The following CRPPA variants were observed in gnomAD, a reference collection of about 807,000 sequenced individuals.
The protein encoded by CRPPA is D-ribitol-5-phosphate cytidylyltransferase.
Under a neutral mutation model 52.0 loss-of-function variants are expected in CRPPA, and 43 were observed. The observed-to-expected ratio is 0.83, with a 90% CI of 0.65 to 1.07. The LOEUF is 1.07. Ranked by LOEUF, CRPPA falls within the 50% of genes least tolerant of loss-of-function variation. The probability of loss-of-function intolerance (pLI) is 0.00; values close to 1 mark genes in which losing one functional copy is unlikely to be tolerated. For missense variants in CRPPA, 629 were observed against 551.7 expected, an observed-to-expected ratio of 1.14 and a Z score of -1.40; for synonymous variants, 250 against 203.5, an observed-to-expected ratio of 1.23 and a Z score of -1.94.
chr7:16,209,597 T>A (rs1395591978), intron 9 of CRPPA, among the ~76,000 whole-genome samples: 3 of 152,080 alleles, frequency 2.0e-5, no homozygotes, highest in Non-Finnish European at 4.4e-5. Context: ...TGTTTTATTA[T>A]GAATAAAATA....
chr7:16,164,918 G>T (rs936058657), intron 9 of CRPPA, among the ~76,000 whole-genome samples: 3 of 152,020 alleles, frequency 2.0e-5, no homozygotes, highest in Non-Finnish European at 4.4e-5. Flanking sequence ...GCCAGCCAGA[G>T]CCCTCCTGTA....
chr7:16,112,954 A>G (rs530778292), intron 9 of CRPPA, among the ~76,000 whole-genome samples: 1 of 152,256 alleles, frequency 6.6e-6, no homozygotes, highest in South Asian at 2.1e-4. Flanking sequence ...CATAATAAAA[A>G]TCTATGAAAA....
chr7:16,208,564 A>C (rs539820503), intron 9 of CRPPA, among the ~76,000 whole-genome samples: 19 of 152,300 alleles, frequency 1.2e-4, no homozygotes, highest in African/African-American at 4.6e-4. Context: ...GCTGCCCTGC[A>C]CCAGGTGAGA....
chr7:16,239,530 A>G (rs1783046865), intron 8 of CRPPA, among the ~76,000 whole-genome samples: 1 of 126,604 alleles, frequency 7.9e-6, no homozygotes, highest in African/African-American at 2.9e-5. Context: ...GCTAAAGTCT[A>G]TTTCCATTAT....
At chr7:16,418,467 T>A (rs1788247171) in intron 1 of CRPPA, among the ~76,000 whole-genome samples, 1 of 152,146 alleles carries the variant, frequency 6.6e-6, no homozygotes, top group Admixed American at 6.5e-5. Flanking sequence ...CTGCCCAAGA[T>A]TAAGTAATTT....
At chr7:16,389,928 A>AAAAAAAATATATAT in intron 2 of CRPPA, among the ~76,000 whole-genome samples, 1 of 29,756 alleles carries the variant, frequency 3.4e-5, no homozygotes, top group Non-Finnish European at 5.3e-5. Context: ...AAAAAAAAAA[A>AAAAAAAATATATAT]ATATATATAT....
At chr7:16,219,889 T>C (rs1583440975) in intron 8 of CRPPA, among the ~76,000 whole-genome samples, 1 of 149,642 alleles carries the variant, frequency 6.7e-6, no homozygotes, top group African/African-American at 2.5e-5. Context: ...TACCATTCCT[T>C]CTGAAACTAT....
At chr7:16,172,469 G>A (rs1190512554) in intron 9 of CRPPA, among the ~76,000 whole-genome samples, 1 of 152,180 alleles carries the variant, frequency 6.6e-6, no homozygotes, top group African/African-American at 2.4e-5. Flanking sequence ...AGTCCAATCA[G>A]CCAAGAATAT....
chr7:16,149,488 A>G (rs1783034083), intron 9 of CRPPA, among the ~76,000 whole-genome samples: 1 of 152,196 alleles, frequency 6.6e-6, no homozygotes, highest in African/African-American at 2.4e-5. Context: ...TTACGGTCTG[A>G]GAAATTCTAA....
chr7:16,119,202 G>A (rs1039610702), intron 9 of CRPPA, among the ~76,000 whole-genome samples: 1 of 151,898 alleles, frequency 6.6e-6, no homozygotes, highest in African/African-American at 2.4e-5. Context: ...TTACAGGGAA[G>A]GCTACTATGT....
chr7:16,378,233 T>C lies in CRPPA; in HGVS notation c.535-1992A>G, dbSNP rs550374317. Among the ~76,000 whole-genome samples, 487 of 150,674 alleles carry C rather than the reference T, an allele frequency of 3.2e-3. 2 individuals carry two copies. The highest frequency in any genetic ancestry group is 6.8e-3 in the Middle Eastern group (2 of 292). ...CATTAACTTGTTATTTAGCATTAGG[T>C]ATATCTCCTAATGCTATCCCTCCCC... is the stretch of plus-strand genomic sequence containing the variant. On this transcript the variant is annotated intron_variant, in intron 2 of 9. Coordinates refer to ENST00000407010, the MANE Select transcript of CRPPA (RefSeq NM_001101426.4).
chr7:16,355,911 T>C (rs1314602779), intron 3 of CRPPA, among the ~76,000 whole-genome samples: 1 of 152,192 alleles, frequency 6.6e-6, no homozygotes, highest in East Asian at 1.9e-4. Flanking sequence ...GATTACCCCA[T>C]ATCACTGCAA....
chr7:16,149,121 G>C (rs1783027758), intron 9 of CRPPA, among the ~76,000 whole-genome samples: 1 of 152,116 alleles, frequency 6.6e-6, no homozygotes, highest in Non-Finnish European at 1.5e-5. Context: ...CAAAGTAAAA[G>C]TAGGGTACTA....
intron 2 of CRPPA, among the ~76,000 whole-genome samples, chr7:16,399,284 G>A (rs1353220683): frequency 3.3e-5 from 5 of 152,206 alleles, no homozygotes; most frequent in Non-Finnish European, 5.9e-5. Flanking sequence ...ATACACATAC[G>A]ATTGACGTGT....
chr7:16,399,190 C>A (rs919222927), intron 2 of CRPPA, among the ~76,000 whole-genome samples: 9 of 152,216 alleles, frequency 5.9e-5, no homozygotes, highest in Admixed American at 1.3e-4. Context: ...ACGATTCACA[C>A]GACTGACATG....
intron 9 of CRPPA, among the ~76,000 whole-genome samples, chr7:16,095,129 T>C (rs1425995255): frequency 6.6e-6 from 1 of 152,192 alleles, no homozygotes; most frequent in Non-Finnish European, 1.5e-5. Flanking sequence ...AACTGAAGCA[T>C]ACTCCTTTCA....
At chr7:16,376,283 C>A (rs763811430) in intron 2 of CRPPA, 42 bp from the exon 3 acceptor site, 2 of 1,544,206 alleles carry the variant, frequency 1.3e-6, no homozygotes, top group South Asian at 1.2e-5. Flanking sequence ...ACCTACAAGC[C>A]ATTTTAAAGT....
intron 9 of CRPPA, among the ~76,000 whole-genome samples, chr7:16,106,358 G>A (rs1036611279): frequency 1.3e-5 from 2 of 152,174 alleles, no homozygotes; most frequent in African/African-American, 4.8e-5. Flanking sequence ...CCAGCCTGCA[G>A]CCTTGCCCAG....
chr7:16,139,974 AAATTT>A (rs1205248259), intron 9 of CRPPA, among the ~76,000 whole-genome samples: 4 of 152,128 alleles, frequency 2.6e-5, no homozygotes, highest in African/African-American at 7.2e-5. Context: ...AGACATAATT[AAATTT>A]AAGATTACTA....
Sources: gnomAD v4.1 joint callset for allele counts (sites outside exome capture counted in the v4.1 genomes callset) on GRCh38, gnomAD v4.1.1 for gene constraint, MANE v1.5 for transcripts, NCBI Gene and HGNC (gene_info 2026-07-23, HGNC 2026-07-21) for gene names.